GNG2: variants seen among roughly 807,000 people sequenced by gnomAD.
GNG2 encodes G protein subunit gamma 2, also known as guanine nucleotide-binding protein G(I)/G(S)/G(O) subunit gamma-2.
A neutral mutation model predicts 5.5 loss-of-function variants in GNG2; 5 were observed. That is an observed-to-expected ratio of 0.91 (90% CI 0.48 to 1.92). The LOEUF (loss-of-function observed/expected upper bound fraction) is 1.92, where lower values mean the gene tolerates loss of function less well. Ranked by LOEUF, GNG2 falls within the 30% of genes most tolerant of loss-of-function variation. The probability of loss-of-function intolerance (pLI) is 0.01; values close to 1 mark genes in which losing one functional copy is unlikely to be tolerated. For missense variants in GNG2, 55 were observed against 88.4 expected (o/e 0.62, Z 1.52); for synonymous variants, 28 against 32.0 (o/e 0.88, Z 0.42).
At position 51,877,487 on chromosome 14, in the gene GNG2, C is replaced by T. The variant is rs1216424274; in HGVS notation, c.-70-130C>T. 4 of 367,076 alleles carry T rather than the reference C, an allele frequency of 1.1e-5. No homozygotes were observed. In the East Asian group the frequency reaches 3.1e-4, roughly 29 times the overall value. The allele number at this position is 367,076 out of a possible 1,614,324, so 22.7% of individuals were successfully genotyped here. A position where few individuals can be genotyped will look rare whatever the true frequency, so the allele number is the denominator to read the frequency against. On this transcript the variant is annotated intron_variant, in intron 1 of 3. Coordinates refer to ENST00000556766, the MANE Select transcript of GNG2 (RefSeq NM_053064.5). ...AATGTAAACCTGTGAGACCTCCTGC[C>T]CTTATAACTATATTGCCATTACCAC...
At chr14:51,886,502 C>A (rs1034096537) in intron 2 of GNG2, among the ~76,000 whole-genome samples, 4 of 152,168 alleles carry the variant, frequency 2.6e-5, no homozygotes, top group African/African-American at 9.7e-5. Context: ...GTATTGGAAA[C>A]AATTGGCATC....
intron 2 of GNG2, among the ~76,000 whole-genome samples, chr14:51,883,009 C>CAAAAAAAAAAAAAA (rs1208060740): frequency 2.0e-5 from 1 of 49,306 alleles, no homozygotes. Context: ...GACTCCATCT[C>CAAAAAAAAAAAAAA]AAAAAAAAAA....
In GNG2 at chr14:51,901,484, A is replaced by G. The variant is rs554228784; in HGVS notation, c.-30+23827A>G. On this transcript the variant is annotated intron_variant, in intron 2 of 3. Coordinates refer to ENST00000556766, the MANE Select transcript of GNG2 (RefSeq NM_053064.5). ...GCTGAGATTACAGATGTGAGCCACC[A>G]CGCCCAGCTGAGAAAGTATCTCTTT... is the stretch of plus-strand genomic sequence containing the variant. 1.1e-3 allele frequency among the ~76,000 whole-genome samples: 163 copies of G among 152,146 alleles called. 1 individual carries two copies. The highest frequency in any genetic ancestry group is 3.8e-3 in the African/African-American group (157 of 41,502).
At chr14:51,838,646 T>C (rs1187148383) in intron 2 of GNG2, among the ~76,000 whole-genome samples, 2 of 152,232 alleles carry the variant, frequency 1.3e-5, no homozygotes, top group Non-Finnish European at 2.9e-5. Flanking sequence ...CATTCATATG[T>C]TAAAGCACAA....
chr14:51,959,498 CTA>C (rs1310350055), intron 3 of GNG2, among the ~76,000 whole-genome samples: 2 of 152,202 alleles, frequency 1.3e-5, no homozygotes, highest in East Asian at 3.9e-4. Context: ...CATTCAAATG[CTA>C]TTTATCCAGA....
At chr14:51,889,550 CTG>C (rs914431556) in intron 2 of GNG2, among the ~76,000 whole-genome samples, 2 of 152,140 alleles carry the variant, frequency 1.3e-5, no homozygotes, top group African/African-American at 2.4e-5. Flanking sequence ...ATCAGTAAAA[CTG>C]TTATTTTATA....
chr14:51,943,754 A>C (rs570984602), intron 2 of GNG2, among the ~76,000 whole-genome samples: 20 of 152,258 alleles, frequency 1.3e-4, no homozygotes, highest in South Asian at 4.1e-4. Flanking sequence ...AAGGTAAAAG[A>C]CTTATTCAAC....
chr14:51,942,927 C>T (rs956048534), intron 2 of GNG2, among the ~76,000 whole-genome samples: 1 of 152,150 alleles, frequency 6.6e-6, no homozygotes, highest in Non-Finnish European at 1.5e-5. Flanking sequence ...GAATGTCACT[C>T]TAGCACTATC....
At chr14:51,878,344 A>G (rs1475504171) in intron 2 of GNG2, among the ~76,000 whole-genome samples, 2 of 152,178 alleles carry the variant, frequency 1.3e-5, no homozygotes, top group African/African-American at 4.8e-5. Context: ...GTACCAAAGT[A>G]GAGAGAATAA....
upstream of GNG2, among the ~76,000 whole-genome samples, chr14:51,859,932 AG>A (rs1277729345): frequency 6.6e-6 from 1 of 152,210 alleles, no homozygotes; most frequent in Non-Finnish European, 1.5e-5. Flanking sequence ...TTAGGCCTAT[AG>A]GTAGCATTGC....
chr14:51,926,589 C>T (rs1053151956), intron 2 of GNG2, among the ~76,000 whole-genome samples: 4 of 152,140 alleles, frequency 2.6e-5, no homozygotes, highest in Non-Finnish European at 5.9e-5. Context: ...AAAGAGACTC[C>T]CTACCGGCCT....
intron 2 of GNG2, chr14:51,916,445 C>T (rs192885563): frequency 5.1e-5 from 23 of 453,284 alleles, no homozygotes; most frequent in Admixed American, 4.5e-4. Context: ...TTTCATATTT[C>T]GGTCTCTAGG....
intron 2 of GNG2, among the ~76,000 whole-genome samples, chr14:51,904,132 T>C (rs1885749308): frequency 6.6e-6 from 1 of 152,142 alleles, no homozygotes; most frequent in Non-Finnish European, 1.5e-5. Flanking sequence ...CCTGCCTCTA[T>C]TGGATGCAAA....
chr14:51,919,552 T>G (rs1268968029), intron 2 of GNG2, among the ~76,000 whole-genome samples: 3 of 152,160 alleles, frequency 2.0e-5, no homozygotes, highest in Non-Finnish European at 4.4e-5. Context: ...ATCCCCAATT[T>G]TGATGTTTTA....
chr14:51,904,857 C>G (rs1007362766), intron 2 of GNG2, among the ~76,000 whole-genome samples: 5 of 152,086 alleles, frequency 3.3e-5, no homozygotes. Flanking sequence ...CACTTTGTGC[C>G]CATTGATATA....
At chr14:51,933,593 G>A (rs910475483) in intron 2 of GNG2, among the ~76,000 whole-genome samples, 2 of 152,172 alleles carry the variant, frequency 1.3e-5, no homozygotes, top group Non-Finnish European at 2.9e-5. Context: ...AATTAATGAT[G>A]CCAGAAAGGA....
intron 2 of GNG2, among the ~76,000 whole-genome samples, chr14:51,849,968 C>T (rs1881831592): frequency 6.6e-6 from 1 of 151,998 alleles, no homozygotes; most frequent in South Asian, 2.1e-4. Flanking sequence ...TACCACCATG[C>T]CTGCCTAATA....
chr14:51,890,663 G>C (rs1208994207), intron 2 of GNG2, among the ~76,000 whole-genome samples: 1 of 152,060 alleles, frequency 6.6e-6, no homozygotes, highest in Non-Finnish European at 1.5e-5. Flanking sequence ...ATTCCTTTGA[G>C]TATTACTCTA....
At chr14:51,868,063 A>G (rs1025194816) in intron 1 of GNG2, among the ~76,000 whole-genome samples, 2 of 152,216 alleles carry the variant, frequency 1.3e-5, no homozygotes, top group South Asian at 2.1e-4. Flanking sequence ...TAGACATAGT[A>G]CTTGTCCTCT....
Sources: allele counts gnomAD v4.1 joint callset (sites outside exome capture counted in the v4.1 genomes callset), GRCh38; gene constraint gnomAD v4.1.1; transcripts MANE v1.5; gene names NCBI Gene and HGNC (gene_info 2026-07-23, HGNC 2026-07-21).